KDM4C: variants seen among roughly 807,000 people sequenced by gnomAD.
KDM4C encodes lysine-specific demethylase 4C.
A neutral mutation model predicts 129.3 loss-of-function variants in KDM4C; 81 were observed. The ratio of observed to expected loss-of-function variants is 0.63; its 90% CI spans 0.52 to 0.75. KDM4C has a LOEUF of 0.75. Among genes scored for constraint, KDM4C ranks in the 30% least tolerant of loss-of-function variants. The pLI is 0.00. For missense variants in KDM4C, 1,457 were observed against 1,304.0 expected, an observed-to-expected ratio of 1.12 and a Z score of -1.81; for synonymous variants, 573 against 456.1, an observed-to-expected ratio of 1.26 and a Z score of -3.26.
intron 8 of KDM4C, among the ~76,000 whole-genome samples, chr9:6,962,875 A>T (rs1270808292): frequency 6.6e-6 from 1 of 152,232 alleles, no homozygotes; most frequent in Non-Finnish European, 1.5e-5. Context: ...TGTTTTCTGT[A>T]ATTCATTATG....
rs185379488 is a variant in KDM4C, at chr9:6,748,569, C to A, written c.49+27572C>A. ...TATTATTAGTTTTAATACAAACAATCCCACAGCATTTATTGCCATCTTGTA... is the reference window on the plus strand; with the variant it reads ...TATTATTAGTTTTAATACAAACAATACCACAGCATTTATTGCCATCTTGTA... On this transcript the variant is annotated intron_variant, in intron 1 of 17. Transcript: ENST00000536108. The A allele has an allele frequency of 1.6e-3, 843 of 530,682 alleles. 4 individuals are homozygous for A. Among genetic ancestry groups the A allele is most frequent in the East Asian group, 0.011 (352 of 30,926 alleles). 32.9% of individuals were successfully genotyped at this position (530,682 alleles called of 1,614,324 possible). A position where few individuals can be genotyped will look rare whatever the true frequency, so the allele number is the denominator to read the frequency against.
intron 1 of KDM4C, chr9:6,749,077 T>A (rs969193152): frequency 1.0e-5 from 5 of 488,508 alleles, no homozygotes; most frequent in African/African-American, 9.9e-5. Flanking sequence ...TGGAGTGCAA[T>A]GGCGCGATCT....
At chr9:6,849,046 G>A (rs4742268) in intron 4 of KDM4C, among the ~76,000 whole-genome samples, 97,607 of 152,002 alleles carry the variant, frequency 0.64, 31,931 homozygotes, top group African/African-American at 0.77. Context: ...ATATTTTGCT[G>A]TTGGTTTCTT....
At chr9:6,823,256 C>G (rs1274819436) in intron 4 of KDM4C, among the ~76,000 whole-genome samples, 1 of 152,182 alleles carries the variant, frequency 6.6e-6, no homozygotes, top group Admixed American at 6.6e-5. Flanking sequence ...TTAAATGCCT[C>G]ATAGCATAAC....
chr9:6,876,908 A>G (rs550681160), intron 5 of KDM4C, among the ~76,000 whole-genome samples: 1 of 152,224 alleles, frequency 6.6e-6, no homozygotes, highest in African/African-American at 2.4e-5. Flanking sequence ...AGCTTCGCAT[A>G]CACAAATCTA....
chr9:6,816,902 G>T, intron 4 of KDM4C, among the ~76,000 whole-genome samples: 1 of 150,446 alleles, frequency 6.6e-6, no homozygotes, highest in Admixed American at 6.6e-5. Flanking sequence ...ATTCTTACTG[G>T]TTTATACTTC....
At chr9:7,120,429 A>G (rs1347062255) in intron 18 of KDM4C, among the ~76,000 whole-genome samples, 1 of 152,190 alleles carries the variant, frequency 6.6e-6, no homozygotes, top group Non-Finnish European at 1.5e-5. Context: ...GCATGGTATC[A>G]GTGGAGAGAA....
intron 17 of KDM4C, among the ~76,000 whole-genome samples, chr9:7,100,447 C>G (rs563614695): frequency 6.6e-6 from 1 of 152,274 alleles, no homozygotes; most frequent in South Asian, 2.1e-4. Flanking sequence ...TCAAGCGACT[C>G]TCCTGCCTCA....
chr9:6,956,996 A>T (rs1290347295), intron 8 of KDM4C, among the ~76,000 whole-genome samples: 1 of 152,148 alleles, frequency 6.6e-6, no homozygotes, highest in Non-Finnish European at 1.5e-5. Flanking sequence ...AGTCTTTCTC[A>T]CAGTTGCAGC....
intron 12 of KDM4C, among the ~76,000 whole-genome samples, chr9:7,007,322 A>G (rs1172522436): frequency 2.0e-5 from 3 of 152,240 alleles, no homozygotes; most frequent in Non-Finnish European, 2.9e-5. Flanking sequence ...ATCTTAGTCT[A>G]GGAGTACGGG....
Position 6,775,368 on chromosome 9 carries a change from G to A in KDM4C, c.-18+17165G>A, listed in dbSNP as rs548071841. Among the ~76,000 whole-genome samples the A allele has an allele frequency of 2.0e-5, 3 of 152,070 alleles. No homozygotes were observed. In the South Asian group the frequency reaches 6.2e-4, roughly 32 times the overall value. On this transcript the variant is annotated intron_variant, in intron 1 of 21. Coordinates refer to ENST00000381309, the MANE Select transcript of KDM4C (RefSeq NM_015061.6). ...ATGATTTGTTAATTTTCACTGCTGT[G>A]TAGTTCCATCGGGTGAATATATTGT...
At chr9:7,134,194 A>C (rs1467711130) in intron 19 of KDM4C, among the ~76,000 whole-genome samples, 1 of 152,142 alleles carries the variant, frequency 6.6e-6, no homozygotes, top group Admixed American at 6.5e-5. Flanking sequence ...TTCACTCTTT[A>C]GGGTTCTCTC....
Position 6,721,586 on chromosome 9 carries a change from CT to C in KDM4C, c.49+606del, listed in dbSNP as rs59463106. On this transcript the variant is annotated intron_variant, in intron 1 of 17. Coordinates refer to the KDM4C transcript ENST00000536108. ...GGCATGAGCCACCATGCCCGGCCCT[CT>C]TTTTTTTTTTTTTTTTCCTGAGACG... Among the ~76,000 whole-genome samples, 335 of 127,214 alleles carry C rather than the reference CT, an allele frequency of 2.6e-3. 1 individual carries two copies. The highest frequency in any genetic ancestry group is 0.013 in the South Asian group (52 of 3,926). 83.5% of individuals were successfully genotyped at this position (127,214 alleles called of 152,430 possible).
chr9:6,926,735 G>T (rs1228090475), intron 8 of KDM4C, among the ~76,000 whole-genome samples: 2 of 152,058 alleles, frequency 1.3e-5, no homozygotes. Context: ...GCAACATTGG[G>T]GTGTGTTTAG....
intron 4 of KDM4C, among the ~76,000 whole-genome samples, chr9:6,839,693 G>C (rs1836560646): frequency 6.6e-6 from 1 of 152,100 alleles, no homozygotes; most frequent in African/African-American, 2.4e-5. Context: ...GATCACTTGA[G>C]GTCAGGAGAC....
intron 12 of KDM4C, among the ~76,000 whole-genome samples, chr9:7,001,481 G>C (rs1057004774): frequency 6.6e-6 from 1 of 152,214 alleles, no homozygotes; most frequent in Non-Finnish European, 1.5e-5. Context: ...AGAGCTGACA[G>C]GACCATGTAA....
At chr9:6,792,487 C>G (rs1446874168) in intron 1 of KDM4C, among the ~76,000 whole-genome samples, 2 of 151,958 alleles carry the variant, frequency 1.3e-5, no homozygotes, top group African/African-American at 4.8e-5. Context: ...CTCCCAGGTT[C>G]AAGCAATTTT....
chr9:6,775,989 C>A (rs1822947998), intron 1 of KDM4C, among the ~76,000 whole-genome samples: 1 of 152,194 alleles, frequency 6.6e-6, no homozygotes, highest in South Asian at 2.1e-4. Flanking sequence ...GATACAAAAT[C>A]ACCCCTGGTT....
intron 12 of KDM4C, among the ~76,000 whole-genome samples, chr9:7,010,009 CAT>C (rs1386749636): frequency 2.6e-5 from 4 of 152,098 alleles, no homozygotes; most frequent in Admixed American, 6.5e-5. Context: ...CTACTATAAA[CAT>C]AAATCTATTA....
Sources: gnomAD v4.1 joint callset for allele counts (sites outside exome capture counted in the v4.1 genomes callset) on GRCh38, gnomAD v4.1.1 for gene constraint, MANE v1.5 for transcripts, NCBI Gene and HGNC (gene_info 2026-07-23, HGNC 2026-07-21) for gene names.